The following ROBO1 variants were observed in gnomAD, a reference collection of about 807,000 sequenced individuals.
The protein encoded by ROBO1 is roundabout guidance receptor 1.
In ROBO1, 149 loss-of-function variants were observed where a neutral mutation model predicts 195.9. That is an observed-to-expected ratio of 0.76 (90% CI 0.67 to 0.87). The LOEUF (loss-of-function observed/expected upper bound fraction) is 0.87, where lower values mean the gene tolerates loss of function less well. Ranked by LOEUF, ROBO1 falls within the 40% of genes least tolerant of loss-of-function variation. The pLI is 0.00. For synonymous variants in ROBO1, 816 were observed against 733.2 expected (o/e 1.11, Z -1.82); for missense variants, 1,933 against 2,068.3 (o/e 0.93, Z 1.27).
intron 10 of ROBO1, among the ~76,000 whole-genome samples, chr3:78,679,140 A>G (rs1379490877): frequency 1.3e-5 from 2 of 152,156 alleles, no homozygotes; most frequent in Admixed American, 1.3e-4. Flanking sequence ...TCATGCTAAA[A>G]ACTCTCAATA....
chr3:79,541,856 GAGAA>G (rs564050802), intron 2 of ROBO1, among the ~76,000 whole-genome samples: 10 of 150,718 alleles, frequency 6.6e-5, no homozygotes, highest in East Asian at 2.0e-4. Flanking sequence ...GAGAGAGAGA[GAGAA>G]AGAGAGAGAG....
At chr3:79,544,040 T>C (rs1297110146) in intron 2 of ROBO1, among the ~76,000 whole-genome samples, 2 of 152,094 alleles carry the variant, frequency 1.3e-5, no homozygotes, top group African/African-American at 2.4e-5. Flanking sequence ...ACAGGCTGCA[T>C]TGAAGGATTT....
intron 3 of ROBO1, among the ~76,000 whole-genome samples, chr3:79,103,346 C>T (rs919348384): frequency 2.0e-5 from 3 of 151,764 alleles, no homozygotes; most frequent in Non-Finnish European, 4.4e-5. Context: ...CACCGGTTTT[C>T]GGTCAGCTTT....
intron 2 of ROBO1, among the ~76,000 whole-genome samples, chr3:79,135,575 T>C (rs1284518830): frequency 4.6e-5 from 7 of 151,864 alleles, no homozygotes; most frequent in African/African-American, 1.7e-4. Context: ...AATGGTTGAA[T>C]AAAAACTATC....
At chr3:78,629,306 T>TA (rs1439752217) in intron 25 of ROBO1, among the ~76,000 whole-genome samples, 44 of 130,892 alleles carry the variant, frequency 3.4e-4, no homozygotes, top group South Asian at 7.8e-4. Context: ...TGCTTTTTTT[T>TA]TAAAAAAAAC....
At chr3:79,636,028 C>T (rs1257550177) in intron 1 of ROBO1, among the ~76,000 whole-genome samples, 2 of 152,006 alleles carry the variant, frequency 1.3e-5, no homozygotes, top group African/African-American at 4.8e-5. Flanking sequence ...TAGTCTTTCT[C>T]GCCACCATTA....
At chr3:79,670,509 T>C (rs1946602440) in intron 1 of ROBO1, among the ~76,000 whole-genome samples, 1 of 151,816 alleles carries the variant, frequency 6.6e-6, no homozygotes, top group Non-Finnish European at 1.5e-5. Context: ...ACTCTAAACT[T>C]TACCTTTAAC....
At chr3:79,613,050 T>C (rs1944712761) in intron 1 of ROBO1, among the ~76,000 whole-genome samples, 2 of 151,900 alleles carry the variant, frequency 1.3e-5, no homozygotes, top group African/African-American at 4.8e-5. Context: ...AATTTTACTA[T>C]TAAAGTATTA....
Position 79,418,009 on chromosome 3 carries a change from A to G in ROBO1, c.88+171815T>C, listed in dbSNP as rs371573801. On this transcript the variant is annotated intron_variant, in intron 2 of 30. Coordinates refer to ENST00000464233, the MANE Select transcript of ROBO1 (RefSeq NM_002941.4). ...GCCTCTTCATAAGATAGATAGCCCT[A>G]TGAAGCCCCTAGCACAGCACTGGAC... Among the ~76,000 whole-genome samples the G allele has an allele frequency of 4.4e-4, 67 of 152,282 alleles. 2 individuals carry two copies. In the South Asian group the frequency reaches 0.013, roughly 31 times the overall value.
intron 4 of ROBO1, among the ~76,000 whole-genome samples, chr3:78,766,473 G>A (rs1224597407): frequency 1.3e-5 from 2 of 152,048 alleles, no homozygotes; most frequent in African/African-American, 2.4e-5. Flanking sequence ...TCTTGTATCC[G>A]GAAATTTTGC....
intron 3 of ROBO1, among the ~76,000 whole-genome samples, chr3:79,023,462 A>G (rs908935864): frequency 1.3e-5 from 2 of 152,150 alleles, no homozygotes; most frequent in East Asian, 1.9e-4. Context: ...AACGAGGCCT[A>G]TTTAGTTTGA....
intron 1 of ROBO1, among the ~76,000 whole-genome samples, chr3:79,614,678 C>T (rs1206901326): frequency 2.0e-5 from 3 of 151,954 alleles, no homozygotes; most frequent in Non-Finnish European, 4.4e-5. Context: ...GTGCTGAAAA[C>T]TTAAAAATAC....
chr3:78,944,221 A>G (rs1474743420), intron 3 of ROBO1, among the ~76,000 whole-genome samples: 2 of 152,256 alleles, frequency 1.3e-5, no homozygotes, highest in Non-Finnish European at 2.9e-5. Flanking sequence ...CAACTATTCC[A>G]TAAATACTGC....
Position 78,600,261 on chromosome 3 carries a change from G to T in ROBO1, c.4793C>A (p.Pro1598His). Residue 1598 changes from proline to histidine, a missense_variant, in exon 30 of 31, where the codon CCC (proline) becomes CAC (histidine). Around this residue, in one of 3 missense-constraint regions of ROBO1, gnomAD observed 1,737 missense variants for 1,882.5 expected, o/e 0.92. Transcript: ENST00000464233. ...TGAGCTTGAGGAACTGGGATCTCTG[G>T]GATTATTTGATGTTGGAAAAGTAGG... is the stretch of plus-strand genomic sequence containing the variant. ...CRPTFPTSNNPRDPSSSSSMS... is the reference protein window; with the variant it reads ...CRPTFPTSNNHRDPSSSSSMS... 6.2e-7 allele frequency: 1 copy of T among 1,613,054 alleles called. No individual in the cohort carries two copies. Among genetic ancestry groups the T allele is most frequent in the East Asian group, 2.2e-5 (1 of 44,822 alleles).
chr3:79,357,126 C>T (rs1464972907), intron 2 of ROBO1, among the ~76,000 whole-genome samples: 2 of 152,034 alleles, frequency 1.3e-5, no homozygotes, highest in Admixed American at 6.6e-5. Flanking sequence ...CCAAATGGTA[C>T]ATTGAAACAA....
At chr3:79,289,029 A>G (rs1269636620) in intron 2 of ROBO1, among the ~76,000 whole-genome samples, 10 of 152,148 alleles carry the variant, frequency 6.6e-5, no homozygotes, top group Admixed American at 6.5e-4. Flanking sequence ...AGACTACGAA[A>G]ATTTCAAAAG....
At chr3:79,722,169 G>A (rs973773631) in intron 1 of ROBO1, among the ~76,000 whole-genome samples, 2 of 138,340 alleles carry the variant, frequency 1.4e-5, no homozygotes, top group Non-Finnish European at 3.2e-5. Context: ...ATTTTACTTT[G>A]GAAAACTAAT....
In ROBO1 at chr3:78,647,758, T is replaced by G. The variant is rs1014839861; in HGVS notation, c.2813-103A>C. 14 of 967,732 alleles carry G rather than the reference T, an allele frequency of 1.4e-5. No homozygotes were observed. The East Asian group carries it at 3.1e-4, about 22-fold the overall frequency. 59.9% of individuals were successfully genotyped at this position (967,732 alleles called of 1,614,324 possible). ...AGCAGACAGCTGAACATAAAACAAA[T>G]GTAAATAACTAAGCCAGTAGTTCTG... On this transcript the variant is annotated intron_variant, in intron 19 of 30. Coordinates refer to ENST00000464233, the MANE Select transcript of ROBO1 (RefSeq NM_002941.4).
At chr3:79,732,890 T>C (rs1022858187) in intron 1 of ROBO1, among the ~76,000 whole-genome samples, 1 of 152,172 alleles carries the variant, frequency 6.6e-6, no homozygotes, top group South Asian at 2.1e-4. Flanking sequence ...AAGTGCAATA[T>C]GTATGCTGAA....
Sources: gnomAD v4.1 joint callset for allele counts (sites outside exome capture counted in the v4.1 genomes callset) on GRCh38, gnomAD v4.1.1 for gene constraint, gnomAD v4.1.1 regional missense constraint, MANE v1.5 for transcripts, NCBI Gene and HGNC (gene_info 2026-07-23, HGNC 2026-07-21) for gene names.